LRRC7: variants seen among roughly 807,000 people sequenced by gnomAD.
LRRC7 encodes leucine-rich repeat-containing protein 7.
LRRC7 carries 23 observed loss-of-function variants against 175.7 expected under a neutral mutation model. That is an observed-to-expected ratio of 0.13 (90% CI 0.09 to 0.19). The LOEUF (loss-of-function observed/expected upper bound fraction) is 0.19. Among genes scored for constraint, LRRC7 ranks in the 10% least tolerant of loss-of-function variants. The pLI, the probability that LRRC7 is intolerant of heterozygous loss-of-function variation, is 1.00. For synonymous variants in LRRC7, 685 were observed against 680.9 expected (o/e 1.01, Z -0.09); for missense variants, 1,354 against 1,904.7 (o/e 0.71, Z 5.38).
chr1:69,990,553 G>A (rs1570931532), intron 10 of LRRC7, among the ~76,000 whole-genome samples: 1 of 152,022 alleles, frequency 6.6e-6, no homozygotes, highest in African/African-American at 2.4e-5. Flanking sequence ...TAAGGAATGT[G>A]AAGGACCTTA....
chr1:69,647,569 T>G (rs1249685685), intron 1 of LRRC7, among the ~76,000 whole-genome samples: 1 of 152,168 alleles, frequency 6.6e-6, no homozygotes, highest in Non-Finnish European at 1.5e-5. Flanking sequence ...TTCTACAATT[T>G]ATTTAGTGTA....
intron 2 of LRRC7, among the ~76,000 whole-genome samples, chr1:69,733,728 A>G (rs1269935577): frequency 6.6e-6 from 1 of 151,996 alleles, no homozygotes; most frequent in East Asian, 1.9e-4. Context: ...CTTATTTCTC[A>G]ATACTGCACC....
At chr1:69,840,891 T>C (rs1681649904) in intron 7 of LRRC7, among the ~76,000 whole-genome samples, 1 of 152,140 alleles carries the variant, frequency 6.6e-6, no homozygotes, top group African/African-American at 2.4e-5. Context: ...AAGAATTATC[T>C]TCCTAATTGT....
At chr1:69,759,470 A>G (rs1670799554) in intron 2 of LRRC7, among the ~76,000 whole-genome samples, 2 of 152,048 alleles carry the variant, frequency 1.3e-5, no homozygotes, top group South Asian at 4.1e-4. Context: ...TAGGAGAAAG[A>G]TGTGTCAGGA....
intron 2 of LRRC7, among the ~76,000 whole-genome samples, chr1:69,746,510 T>A (rs1442085406): frequency 7.9e-5 from 12 of 152,142 alleles, no homozygotes; most frequent in Admixed American, 7.9e-4. Context: ...GAAAATATAG[T>A]TTTAAATCCT....
intron 8 of LRRC7, among the ~76,000 whole-genome samples, chr1:69,949,499 G>A (rs1048223189): frequency 2.0e-5 from 3 of 152,154 alleles, no homozygotes; most frequent in African/African-American, 7.2e-5. Context: ...AGAGGTTGCA[G>A]TAAGTGGAGA....
At chr1:69,749,426 G>C (rs1669590442) in intron 2 of LRRC7, among the ~76,000 whole-genome samples, 1 of 152,092 alleles carries the variant, frequency 6.6e-6, no homozygotes, top group Non-Finnish European at 1.5e-5. Context: ...TTAAAAAGAA[G>C]ACAAATTTAA....
intron 2 of LRRC7, among the ~76,000 whole-genome samples, chr1:69,720,086 C>T (rs1796946): frequency 0.66 from 99,825 of 151,264 alleles, 33,680 homozygotes; most frequent in African/African-American, 0.8. Flanking sequence ...ACTTGGGTTA[C>T]GTAGTCCATT....
intron 1 of LRRC7, among the ~76,000 whole-genome samples, chr1:69,568,934 TA>T (rs1645614968): frequency 6.6e-6 from 1 of 152,136 alleles, no homozygotes; most frequent in Non-Finnish European, 1.5e-5. Context: ...AAAGGAAAGG[TA>T]AATGTTGGGC....
chr1:70,078,846 A>G (rs935345555), intron 24 of LRRC7, among the ~76,000 whole-genome samples: 3 of 151,652 alleles, frequency 2.0e-5, no homozygotes, highest in African/African-American at 4.9e-5. Context: ...ACACACACAC[A>G]CACACACTCC....
intron 7 of LRRC7, among the ~76,000 whole-genome samples, chr1:69,926,753 C>G (rs1647087483): frequency 6.6e-6 from 1 of 152,122 alleles, no homozygotes; most frequent in South Asian, 2.1e-4. Context: ...GGTCTTGACT[C>G]TTTATCCAAT....
chr1:69,935,855 C>G (rs1283518873), intron 8 of LRRC7, among the ~76,000 whole-genome samples: 2 of 152,066 alleles, frequency 1.3e-5, no homozygotes, highest in African/African-American at 4.8e-5. Flanking sequence ...TTGTGGGTAG[C>G]ACATTTTCTG....
intron 2 of LRRC7, among the ~76,000 whole-genome samples, chr1:69,699,116 C>T (rs1341442731): frequency 4.6e-5 from 7 of 152,038 alleles, no homozygotes; most frequent in East Asian, 1.9e-4. Context: ...GACAGTGTGG[C>T]GATGCCCCTT....
intron 2 of LRRC7, among the ~76,000 whole-genome samples, chr1:69,744,175 T>C (rs926194384): frequency 6.6e-6 from 1 of 151,870 alleles, no homozygotes; most frequent in African/African-American, 2.4e-5. Context: ...GTTAAGTGAC[T>C]ACTATACATT....
intron 7 of LRRC7, among the ~76,000 whole-genome samples, chr1:69,868,540 TTGG>T (rs1017602119): frequency 1.3e-5 from 2 of 151,656 alleles, no homozygotes; most frequent in African/African-American, 4.8e-5. Context: ...CAGTTAAGAG[TTGG>T]TGAAGTATAG....
chr1:69,839,077 T>C (rs759485601), intron 7 of LRRC7: 1 of 287,088 alleles, frequency 3.5e-6, no homozygotes, highest in Non-Finnish European at 7.0e-6. Context: ...TTGAGTACAG[T>C]GAATAATTTT....
chr1:69,878,455 G>C (rs984034752), intron 7 of LRRC7, among the ~76,000 whole-genome samples: 4 of 152,136 alleles, frequency 2.6e-5, no homozygotes, highest in African/African-American at 9.7e-5. Context: ...TTTAGAGAAT[G>C]CACGACTGAT....
At chr1:69,694,744 C>A (rs919901149) in intron 2 of LRRC7, among the ~76,000 whole-genome samples, 1 of 151,838 alleles carries the variant, frequency 6.6e-6, no homozygotes, top group Non-Finnish European at 1.5e-5. Context: ...CCCTACCCCC[C>A]CCCACTTCCT....
intron 23 of LRRC7, among the ~76,000 whole-genome samples, chr1:70,058,131 TC>T (rs1481599806): frequency 2.0e-5 from 3 of 151,666 alleles, no homozygotes; most frequent in African/African-American, 7.3e-5. Context: ...CGCCTCACCC[TC>T]CCAAGTAGCT....
Sources: allele counts gnomAD v4.1 joint callset (sites outside exome capture counted in the v4.1 genomes callset), GRCh38; gene constraint gnomAD v4.1.1; transcripts MANE v1.5; gene names NCBI Gene and HGNC (gene_info 2026-07-23, HGNC 2026-07-21).